Variants in MLLT3 observed in about 807,000 individuals in gnomAD.
MLLT3 encodes protein AF-9.
In MLLT3, 4 loss-of-function variants were observed where a neutral mutation model predicts 53.2. The observed-to-expected ratio is 0.08, with a 90% CI of 0.04 to 0.17. MLLT3 has a LOEUF of 0.17. Among genes scored for constraint, MLLT3 ranks in the 10% least tolerant of loss-of-function variants. The pLI is 1.00. For synonymous variants in MLLT3, 283 were observed against 230.6 expected (o/e 1.23, Z -2.06); for missense variants, 569 against 684.0 (o/e 0.83, Z 1.87).
chr9:20,435,479 A>T (rs1823378599), intron 4 of MLLT3, among the ~76,000 whole-genome samples: 1 of 152,174 alleles, frequency 6.6e-6, no homozygotes, highest in South Asian at 2.1e-4. Context: ...TTCACTATAT[A>T]CCCAAAATCT....
chr9:20,465,907 T>C (rs1360616090), intron 2 of MLLT3, among the ~76,000 whole-genome samples: 1 of 152,162 alleles, frequency 6.6e-6, no homozygotes. Context: ...GAGTACAGTT[T>C]CTGTTTAGGC....
intron 2 of MLLT3, among the ~76,000 whole-genome samples, chr9:20,547,969 A>G (rs1818834346): frequency 6.6e-6 from 1 of 152,154 alleles, no homozygotes; most frequent in Admixed American, 6.5e-5. Context: ...AAACAAAATA[A>G]AAGTTGGTAC....
In MLLT3 at chr9:20,457,455, G is replaced by GT. The variant is rs547709299; in HGVS notation, c.194-670dup. 2.6e-5 allele frequency among the ~76,000 whole-genome samples: 4 copies of GT among 151,672 alleles called. No homozygotes were observed. The South Asian group carries it at 8.4e-4, about 32-fold the overall frequency. On this transcript the variant is annotated intron_variant, in intron 2 of 10. Transcript: ENST00000380338. ...GTAGAGATGGGGTTTCTCCATGTTG[G>GT]TCATGCTGGTCTTGAACTCCCGACC...
rs1823748609 is a variant in MLLT3, at chr9:20,448,063, T to G, written c.420+60A>C. ...CACATGAGGAACTAGTTTGTTTGTT[T>G]TTTTTTTTGTTGTTGTTGTTTTTTA... On this transcript the variant is annotated intron_variant, in intron 4 of 10. Coordinates refer to ENST00000380338, the MANE Select transcript of MLLT3 (RefSeq NM_004529.4). The surrounding 1 kb of genome is among the most constrained non-coding windows in gnomAD (Gnocchi z 4.0). 5 of 1,554,126 alleles carry G rather than the reference T, an allele frequency of 3.2e-6. No homozygotes were observed. The highest frequency in any genetic ancestry group is 4.0e-5 in the Admixed American group (2 of 50,092).
intron 2 of MLLT3, among the ~76,000 whole-genome samples, chr9:20,586,417 G>C (rs1414932092): frequency 6.7e-6 from 1 of 150,030 alleles, no homozygotes; most frequent in Non-Finnish European, 1.5e-5. Flanking sequence ...AAAAAAAGGA[G>C]ATTGAAAATT....
chr9:20,545,879 T>C (rs13286853), intron 2 of MLLT3, among the ~76,000 whole-genome samples: 1 of 96,916 alleles, frequency 1.0e-5, no homozygotes, highest in African/African-American at 3.6e-5. Context: ...AAAAAAAAAA[T>C]TAAAAATTAG....
intron 2 of MLLT3, among the ~76,000 whole-genome samples, chr9:20,460,779 G>A (rs1397474744): frequency 1.3e-5 from 2 of 152,200 alleles, no homozygotes; most frequent in East Asian, 3.8e-4. Flanking sequence ...GAAGTGGTGA[G>A]TTGACAGTAA....
intron 2 of MLLT3, among the ~76,000 whole-genome samples, chr9:20,601,564 T>G (rs1310163059): frequency 6.6e-6 from 1 of 152,176 alleles, no homozygotes; most frequent in East Asian, 1.9e-4. Flanking sequence ...AGAGTTTCTT[T>G]TGCTCCACAA....
intron 2 of MLLT3, among the ~76,000 whole-genome samples, chr9:20,497,039 G>A (rs1033743994): frequency 1.3e-5 from 2 of 152,118 alleles, no homozygotes; most frequent in Non-Finnish European, 2.9e-5. Context: ...TAACTCATTG[G>A]AGTTCTTCTT....
intron 2 of MLLT3, among the ~76,000 whole-genome samples, chr9:20,570,400 A>G (rs945466862): frequency 5.3e-5 from 8 of 152,198 alleles, no homozygotes; most frequent in African/African-American, 1.9e-4. Context: ...ACTTAAGAGA[A>G]ATGAAACTAA....
intron 2 of MLLT3, among the ~76,000 whole-genome samples, chr9:20,504,879 AT>A (rs545500918): frequency 6.6e-6 from 1 of 152,210 alleles, no homozygotes; most frequent in African/African-American, 2.4e-5. Context: ...TTAAAAAATT[AT>A]TTTTTTAAGT....
At chr9:20,398,129 G>A (rs1286328183) in intron 5 of MLLT3, among the ~76,000 whole-genome samples, 1 of 151,780 alleles carries the variant, frequency 6.6e-6, no homozygotes, top group Non-Finnish European at 1.5e-5. Context: ...TTTTTAGACA[G>A]GGTCTCACTC....
intron 3 of MLLT3, among the ~76,000 whole-genome samples, chr9:20,451,030 C>T (rs915149920): frequency 6.6e-6 from 1 of 152,140 alleles, no homozygotes; most frequent in Admixed American, 6.5e-5. Context: ...ATTAAATGTT[C>T]ATGGTAGCAT....
intron 2 of MLLT3, among the ~76,000 whole-genome samples, chr9:20,468,248 A>G (rs754000446): frequency 1.3e-5 from 2 of 152,216 alleles, no homozygotes; most frequent in Non-Finnish European, 2.9e-5. Flanking sequence ...AATTTTTTGG[A>G]CTTCTTCCCC....
At position 20,414,413 on chromosome 9, in the gene MLLT3, T is replaced by A; in HGVS notation, c.433A>T (p.Ser145Cys). ...CTGCTGCTGCTGCTGGTATGAATACTCCTATTAGGGTCCTGCAAAAAGGGG... is the reference window on the plus strand; with the variant it reads ...CTGCTGCTGCTGCTGGTATGAATACACCTATTAGGGTCCTGCAAAAAGGGG... ...LLKAGGDPNR[S>C]IHTSSSSSSS... The change falls in exon 5 of 11, where the codon AGT becomes TGT. Residue 145 changes from serine (S) to cysteine (C), a missense_variant. Physicochemically the swap from Ser to Cys is moderately radical, Grantham distance 112 (BLOSUM62 -1). Transcript: ENST00000380338. 6.2e-7 allele frequency: 1 copy of A among 1,607,640 alleles called. No homozygotes were observed. The highest frequency in any genetic ancestry group is 1.1e-5 in the South Asian group (1 of 91,036).
rs942395912 is a variant in MLLT3, at chr9:20,592,624, G to A, written c.193+28030C>T. On this transcript the variant is annotated intron_variant, in intron 2 of 10. Transcript: ENST00000380338. ...CAACATACGAATTTGTGGTGCATGG[G>A]TAGGGGGCACATAATTTGGCACATA... Among the ~76,000 whole-genome samples, 5 of 152,146 alleles carry A rather than the reference G, an allele frequency of 3.3e-5. No homozygotes were observed. The East Asian group carries it at 9.6e-4, about 29-fold the overall frequency.
At chr9:20,486,736 A>C (rs1048775638) in intron 2 of MLLT3, among the ~76,000 whole-genome samples, 1 of 152,198 alleles carries the variant, frequency 6.6e-6, no homozygotes, top group Non-Finnish European at 1.5e-5. Context: ...ATGAGATTTA[A>C]ACTGTCAGAC....
At chr9:20,365,818 G>T in intron 5 of MLLT3, 74 bp from the exon 6 acceptor site, 1 of 1,499,176 alleles carries the variant, frequency 6.7e-7, no homozygotes. Context: ...AAACAGTATT[G>T]TTGCTCAAAC....
At chr9:20,611,776 T>G (rs1443291040) in intron 2 of MLLT3, among the ~76,000 whole-genome samples, 1 of 152,102 alleles carries the variant, frequency 6.6e-6, no homozygotes, top group Non-Finnish European at 1.5e-5. Flanking sequence ...CCTTCTTCAG[T>G]CGTCAACCAC....
Sources: allele counts gnomAD v4.1 joint callset (sites outside exome capture counted in the v4.1 genomes callset), GRCh38; gene constraint gnomAD v4.1.1; non-coding constraint Gnocchi (gnomAD v3.1); transcripts MANE v1.5; gene names NCBI Gene and HGNC (gene_info 2026-07-23, HGNC 2026-07-21).